Variants in POFUT3 observed in about 807,000 individuals in gnomAD.
POFUT3 encodes the protein GDP-fucose protein O-fucosyltransferase 3.
chr8:33,401,741 G>T, the POFUT3 span, among the ~76,000 whole-genome samples: 15 of 152,064 alleles, frequency 9.9e-5, no homozygotes, highest in Non-Finnish European at 2.2e-4. Flanking sequence ...TATGAAAAGT[G>T]GGTTAAGGCC....
chr8:33,380,004 CTATATATATAG>C, the POFUT3 span, among the ~76,000 whole-genome samples: 4 of 73,272 alleles, frequency 5.5e-5, no homozygotes, highest in African/African-American at 2.1e-4. Context: ...TATATATATA[CTATATATATAG>C]TATATATATA....
chr8:33,383,522 G>A, the POFUT3 span, among the ~76,000 whole-genome samples: 2 of 152,180 alleles, frequency 1.3e-5, no homozygotes, highest in South Asian at 4.1e-4. Context: ...TAAGTGGCCA[G>A]GCACGGTGGC....
At chr8:33,472,451 C>A in the POFUT3 span, among the ~76,000 whole-genome samples, 5 of 152,202 alleles carry the variant, frequency 3.3e-5, no homozygotes, top group Non-Finnish European at 7.3e-5. Context: ...GGGTACTAAT[C>A]GGGTGCAAAA....
the POFUT3 span, among the ~76,000 whole-genome samples, chr8:33,408,199 GC>G: frequency 6.6e-6 from 1 of 151,656 alleles, no homozygotes; most frequent in African/African-American, 2.4e-5. Flanking sequence ...GGTGGTGCAT[GC>G]CTGTAGTCCC....
chr8:33,380,180 ATATATATAC>A, the POFUT3 span, among the ~76,000 whole-genome samples: 47 of 63,708 alleles, frequency 7.4e-4, 5 homozygotes, highest in African/African-American at 3.0e-3. Flanking sequence ...TATATACTAT[ATATATATAC>A]TATATATATA....
At chr8:33,433,190 C>A in the POFUT3 span, among the ~76,000 whole-genome samples, 4 of 150,774 alleles carry the variant, frequency 2.7e-5, no homozygotes, top group South Asian at 8.4e-4. Flanking sequence ...GCCAAGATCA[C>A]AACACTGCAC....
chr8:33,468,596 G>A, the POFUT3 span, among the ~76,000 whole-genome samples: 1 of 152,234 alleles, frequency 6.6e-6, no homozygotes, highest in African/African-American at 2.4e-5. Flanking sequence ...GTGATAGGCT[G>A]AGGAGATGCC....
the POFUT3 span, among the ~76,000 whole-genome samples, chr8:33,323,128 C>T: frequency 6.6e-6 from 1 of 152,148 alleles, no homozygotes; most frequent in Non-Finnish European, 1.5e-5. Context: ...TGCACACACA[C>T]AGTTAAAACT....
the POFUT3 span, among the ~76,000 whole-genome samples, chr8:33,315,005 C>A: frequency 6.6e-6 from 1 of 152,054 alleles, no homozygotes; most frequent in Non-Finnish European, 1.5e-5. Context: ...TTCAGTAGAA[C>A]CAAAACTTCT....
the POFUT3 span, chr8:33,460,602 A>G: frequency 1.4e-5 from 4 of 295,090 alleles, no homozygotes; most frequent in African/African-American, 6.8e-5. Flanking sequence ...TTCAAAAGTG[A>G]TAACAATAGG....
the POFUT3 span, chr8:33,372,114 C>T: frequency 4.3e-5 from 42 of 981,068 alleles, no homozygotes; most frequent in Non-Finnish European, 4.6e-5. Flanking sequence ...CACTTACATC[C>T]CTGGAAACCA....
chr8:33,418,662 AT>A, the POFUT3 span, among the ~76,000 whole-genome samples: 73 of 152,236 alleles, frequency 4.8e-4, no homozygotes, highest in African/African-American at 1.7e-3. Context: ...ATCAAAAACA[AT>A]ATGGAGATTT....
chr8:33,444,224 G>A, the POFUT3 span, among the ~76,000 whole-genome samples: 2 of 152,058 alleles, frequency 1.3e-5, no homozygotes, highest in Middle Eastern at 3.4e-3. Context: ...GGATGAGATC[G>A]CCTTGAGAAA....
the POFUT3 span, among the ~76,000 whole-genome samples, chr8:33,383,890 G>A: frequency 4.6e-5 from 7 of 151,274 alleles, no homozygotes; most frequent in Non-Finnish European, 7.4e-5. Context: ...TAAGACCAAG[G>A]AGTTTTCCCC....
the POFUT3 span, among the ~76,000 whole-genome samples, chr8:33,343,182 T>C: frequency 6.6e-6 from 1 of 151,898 alleles, no homozygotes; most frequent in African/African-American, 2.4e-5. Context: ...TTTTAAAATA[T>C]TTAGTTTACT....
At chr8:33,308,568 G>A in the POFUT3 span, among the ~76,000 whole-genome samples, 1 of 152,116 alleles carries the variant, frequency 6.6e-6, no homozygotes, top group South Asian at 2.1e-4. Flanking sequence ...TATTCAATTT[G>A]AACTCAATTG....
At chr8:33,405,529 G>T in the POFUT3 span, among the ~76,000 whole-genome samples, 1 of 152,018 alleles carries the variant, frequency 6.6e-6, no homozygotes, top group Non-Finnish European at 1.5e-5. Flanking sequence ...TTAGTGAGTT[G>T]TAAAAATGGG....
At chr8:33,426,922 T>C in the POFUT3 span, among the ~76,000 whole-genome samples, 88,329 of 152,010 alleles carry the variant, frequency 0.58, 25,930 homozygotes, top group African/African-American at 0.61. Context: ...CTCTCTGGAA[T>C]AGCCACAAAA....
chr8:33,317,531 G>A, the POFUT3 span, among the ~76,000 whole-genome samples: 7 of 152,154 alleles, frequency 4.6e-5, no homozygotes, highest in South Asian at 2.1e-4. Context: ...CCAAACCAAC[G>A]TATAACCTCC....
Sources: allele counts gnomAD v4.1 joint callset (sites outside exome capture counted in the v4.1 genomes callset), GRCh38; gene constraint gnomAD v4.1.1; transcripts MANE v1.5; gene names NCBI Gene and HGNC (gene_info 2026-07-23, HGNC 2026-07-21).